The following DNAJC16 variants were observed in gnomAD, a reference collection of about 807,000 sequenced individuals.
DNAJC16 encodes the protein dnaJ homolog subfamily C member 16.
A neutral mutation model predicts 92.7 loss-of-function variants in DNAJC16; 76 were observed. The ratio of observed to expected loss-of-function variants is 0.82; its 90% CI spans 0.68 to 0.99. The LOEUF (loss-of-function observed/expected upper bound fraction) is 0.99. Among genes scored for constraint, DNAJC16 ranks in the 50% least tolerant of loss-of-function variants. The probability of loss-of-function intolerance (pLI) is 0.00; values close to 1 mark genes in which losing one functional copy is unlikely to be tolerated. For missense variants in DNAJC16, 869 were observed against 942.4 expected, an observed-to-expected ratio of 0.92 and a Z score of 1.02; for synonymous variants, 328 against 358.7, an observed-to-expected ratio of 0.91 and a Z score of 0.97.
At chr1:15,544,187 T>C (rs113668303) in intron 4 of DNAJC16, among the ~76,000 whole-genome samples, 26 of 87,050 alleles carry the variant, frequency 3.0e-4, no homozygotes, top group African/African-American at 8.9e-4. Context: ...CACACACACA[T>C]TTGTAACTCT....
intron 10 of DNAJC16, 25 bp from the exon 11 acceptor site, chr1:15,564,258 C>T (rs1638759575): frequency 1.3e-6 from 2 of 1,563,310 alleles, no homozygotes; most frequent in South Asian, 2.2e-5. Flanking sequence ...TAGTCCTGAC[C>T]ATCATCCATT....
At position 15,546,189 on chromosome 1, in the gene DNAJC16, C is replaced by T. The variant is rs540254449; in HGVS notation, c.760-578C>T. Among the ~76,000 whole-genome samples the T allele has an allele frequency of 2.5e-3, 381 of 152,240 alleles. 4 individuals carry two copies. Among genetic ancestry groups the T allele is most frequent in the African/African-American group, 8.8e-3 (365 of 41,546 alleles). ...GCATGGTGCCATGTACCTGTAGCTC[C>T]AGCTATTCAGGAGGCTGAGGTGGGA... On this transcript the variant is annotated intron_variant, in intron 5 of 14. Coordinates refer to ENST00000375847, the MANE Select transcript of DNAJC16 (RefSeq NM_015291.4).
chr1:15,549,159 A>G (rs1336482680), intron 7 of DNAJC16, among the ~76,000 whole-genome samples: 1 of 152,196 alleles, frequency 6.6e-6, no homozygotes, highest in Non-Finnish European at 1.5e-5. Flanking sequence ...ACAGAAGGGT[A>G]CCTGAAACCA....
rs141357184 is a variant in DNAJC16, at chr1:15,557,791, G to C, written c.1024-1735G>C. Among the ~76,000 whole-genome samples, 47 of 151,194 alleles carry C rather than the reference G, an allele frequency of 3.1e-4. No homozygotes were observed. The East Asian group carries it at 8.9e-3, about 29-fold the overall frequency. On this transcript the variant is annotated intron_variant, in intron 7 of 14. Coordinates refer to ENST00000375847, the MANE Select transcript of DNAJC16 (RefSeq NM_015291.4). ...TCTGTCACCCAGGCTGGAGTGTAGT[G>C]ATGTCATCATGGCTCACTGCAGCCT...
intron 7 of DNAJC16, among the ~76,000 whole-genome samples, chr1:15,551,026 T>A (rs1291521901): frequency 6.6e-6 from 1 of 152,158 alleles, no homozygotes; most frequent in African/African-American, 2.4e-5. Flanking sequence ...CCTGCCACCA[T>A]GCCCGGCTAA....
chr1:15,543,782 C>G (rs893069026), intron 4 of DNAJC16, among the ~76,000 whole-genome samples: 2 of 152,016 alleles, frequency 1.3e-5, no homozygotes, highest in Admixed American at 1.3e-4. Flanking sequence ...AAAGAGAAAA[C>G]CAACAAGACT....
At chr1:15,559,717 A>C (rs1638650490) in intron 8 of DNAJC16, 61 bp downstream of exon 8, 3 of 1,585,980 alleles carry the variant, frequency 1.9e-6, no homozygotes, top group Non-Finnish European at 2.6e-6. Flanking sequence ...GATTCATTTT[A>C]CTATAGGGTG....
rs1638800581 is a variant in DNAJC16, at chr1:15,566,133, A to G, written c.1731A>G (p.Gln577=). The change falls in exon 13 of 15, where the codon CAA becomes CAG. Residue 577 remains glutamine (Q), a synonymous_variant. Transcript: ENST00000375847. ...GCCCTCCAGAAAAAGAGGAAGCCCA[A>G]GAGAAGACTGGGAAAACTGAGCCAA... ...ESSPPEKEEA[Q]EKTGKTEPSF... 2 of 1,614,124 alleles carry G rather than the reference A, an allele frequency of 1.2e-6. No homozygotes were observed. Among genetic ancestry groups the G allele is most frequent in the Non-Finnish European group, 1.7e-6 (2 of 1,180,022 alleles).
intron 3 of DNAJC16, among the ~76,000 whole-genome samples, chr1:15,536,003 G>A (rs984177663): frequency 1.1e-4 from 16 of 150,910 alleles, no homozygotes; most frequent in Middle Eastern, 3.4e-3. Flanking sequence ...GGCTTCAAGG[G>A]ATCCTCCAAA....
chr1:15,547,147 T>C (rs1189228184), intron 6 of DNAJC16, among the ~76,000 whole-genome samples: 1 of 136,138 alleles, frequency 7.3e-6, no homozygotes, highest in Non-Finnish European at 1.6e-5. Context: ...TCCCTGTTTC[T>C]TTTTTTTTTT....
intron 5 of DNAJC16, 111 bp from the exon 6 acceptor site, chr1:15,546,656 A>AT: frequency 1.3e-6 from 1 of 794,680 alleles, no homozygotes; most frequent in Non-Finnish European, 2.0e-6. Flanking sequence ...CTGCATTTTT[A>AT]TTTTTTGCAA....
At chr1:15,557,914 CTTTT>C (rs555151554) in intron 7 of DNAJC16, among the ~76,000 whole-genome samples, 1 of 150,692 alleles carries the variant, frequency 6.6e-6, no homozygotes, top group Non-Finnish European at 1.5e-5. Flanking sequence ...TTTTTTTTTC[CTTTT>C]TTTTCTTTTA....
At chr1:15,560,775 T>G (rs1638672513) in intron 8 of DNAJC16, among the ~76,000 whole-genome samples, 1 of 152,080 alleles carries the variant, frequency 6.6e-6, no homozygotes, top group Non-Finnish European at 1.5e-5. Flanking sequence ...CACACACTTC[T>G]CACTTTTTTT....
intron 5 of DNAJC16, 108 bp downstream of exon 5, chr1:15,544,691 G>A: frequency 9.2e-7 from 1 of 1,090,172 alleles, no homozygotes; most frequent in South Asian, 1.5e-5. Context: ...GAGTTTCATT[G>A]TGAGGAAGGC....
At position 15,551,186 on chromosome 1, in the gene DNAJC16, A is replaced by T. The variant is rs76401884; in HGVS notation, c.1023+2758A>T. Among the ~76,000 whole-genome samples, 347 of 152,250 alleles carry T rather than the reference A, an allele frequency of 2.3e-3. 9 individuals carry two copies. In the East Asian group the frequency reaches 0.058, roughly 25 times the overall value. The stretch of plus-strand genomic sequence containing the variant: ...TGCCCGGCCTCACCTTATATCTTTG[A>T]TGAAGCAGTAAGAAGTGTTAATTTT... On this transcript the variant is annotated intron_variant, in intron 7 of 14. Transcript: ENST00000375847.
chr1:15,544,438 G>T lies in DNAJC16; in HGVS notation c.614G>T (p.Arg205Leu), dbSNP rs756488016. The T allele has an allele frequency of 6.2e-7, 1 of 1,613,942 alleles. No homozygotes were observed. The highest frequency in any genetic ancestry group is 2.2e-5 in the East Asian group (1 of 44,882). The change falls in exon 5 of 15, where the codon CGC becomes CTC. Residue 205 changes from arginine (R) to leucine (L), a missense_variant. Physicochemically the swap from Arg to Leu is moderately radical, Grantham distance 102. Coordinates refer to ENST00000375847, the MANE Select transcript of DNAJC16 (RefSeq NM_015291.4). ...IGVVHAGYERRLAHHLGAHST... is the reference protein window; with the variant it reads ...IGVVHAGYERLLAHHLGAHST... ...GTGGTCCATGCTGGGTATGAGAGAC[G>T]CCTGGCCCATCACCTAGGGGCACAC...
intron 7 of DNAJC16, among the ~76,000 whole-genome samples, chr1:15,558,195 T>C (rs1329596865): frequency 2.1e-5 from 3 of 141,734 alleles, no homozygotes; most frequent in Admixed American, 1.4e-4. Flanking sequence ...TTTTTTTTTT[T>C]CTTGAGACAG....
intron 7 of DNAJC16, among the ~76,000 whole-genome samples, chr1:15,557,521 T>G (rs192679030): frequency 5.6e-4 from 85 of 151,942 alleles, no homozygotes; most frequent in African/African-American, 1.6e-3. Flanking sequence ...TAATTTCTAT[T>G]TTTATCTGTA....
intron 1 of DNAJC16, among the ~76,000 whole-genome samples, chr1:15,528,539 G>A (rs755612093): frequency 2.0e-5 from 3 of 152,148 alleles, no homozygotes; most frequent in African/African-American, 4.8e-5. Context: ...GGCATACTGC[G>A]TCTTAACTAC....
Sources: allele counts gnomAD v4.1 joint callset (sites outside exome capture counted in the v4.1 genomes callset), GRCh38; gene constraint gnomAD v4.1.1; transcripts MANE v1.5; gene names NCBI Gene and HGNC (gene_info 2026-07-23, HGNC 2026-07-21).